The following ASAP1 variants were observed in gnomAD, a reference collection of about 807,000 sequenced individuals.
ASAP1 encodes the protein ArfGAP with SH3 domain, ankyrin repeat and PH domain 1.
In ASAP1, 43 loss-of-function variants were observed where a neutral mutation model predicts 145.2. That is an observed-to-expected ratio of 0.30 (90% confidence interval 0.23 to 0.38). ASAP1 has a LOEUF of 0.38. Among genes scored for constraint, ASAP1 ranks in the 10% least tolerant of loss-of-function variants. ASAP1 has a pLI of 1.00. For missense variants in ASAP1, 1,018 were observed against 1,355.3 expected, an observed-to-expected ratio of 0.75 and a Z score of 3.91; for synonymous variants, 546 against 515.5, an observed-to-expected ratio of 1.06 and a Z score of -0.80.
At chr8:130,365,042 C>A (rs903705013) in intron 2 of ASAP1, among the ~76,000 whole-genome samples, 1 of 152,214 alleles carries the variant, frequency 6.6e-6, no homozygotes, top group Non-Finnish European at 1.5e-5. Flanking sequence ...GACTATCAAT[C>A]CCTGACAGCA....
intron 11 of ASAP1, among the ~76,000 whole-genome samples, chr8:130,161,394 A>G (rs1352991787): frequency 6.6e-6 from 1 of 152,200 alleles, no homozygotes; most frequent in African/African-American, 2.4e-5. Context: ...ATGTTCAGTG[A>G]TGCAAAATTA....
chr8:130,441,245 C>A (rs530974503), intron 1 of ASAP1, among the ~76,000 whole-genome samples: 1 of 152,300 alleles, frequency 6.6e-6, no homozygotes, highest in South Asian at 2.1e-4. Context: ...AAACTCGATT[C>A]CAGATAAATC....
chr8:130,392,828 A>T (rs1182322717), intron 2 of ASAP1, among the ~76,000 whole-genome samples: 2 of 152,074 alleles, frequency 1.3e-5, no homozygotes, highest in Non-Finnish European at 2.9e-5. Flanking sequence ...TCTTTTAAAC[A>T]AACAGTTGTC....
At chr8:130,317,829 C>T (rs896850765) in intron 3 of ASAP1, among the ~76,000 whole-genome samples, 1 of 152,174 alleles carries the variant, frequency 6.6e-6, no homozygotes, top group Non-Finnish European at 1.5e-5. Context: ...GCCCTTTCCT[C>T]AAACAACTAA....
At chr8:130,397,285 C>A (rs544683680) in intron 2 of ASAP1, among the ~76,000 whole-genome samples, 2 of 152,200 alleles carry the variant, frequency 1.3e-5, no homozygotes. Flanking sequence ...GGACTACAGG[C>A]GCCCACCACC....
chr8:130,210,915 A>G (rs1367283984), intron 5 of ASAP1, among the ~76,000 whole-genome samples: 2 of 152,208 alleles, frequency 1.3e-5, no homozygotes, highest in Non-Finnish European at 2.9e-5. Context: ...GTCAGGTATT[A>G]TGCTTAGTGA....
chr8:130,064,094 C>T (rs534009205), intron 27 of ASAP1, among the ~76,000 whole-genome samples: 16 of 152,128 alleles, frequency 1.1e-4, no homozygotes, highest in African/African-American at 3.6e-4. Flanking sequence ...GTGGGGGTTG[C>T]GAGAAGAACC....
intron 25 of ASAP1, among the ~76,000 whole-genome samples, chr8:130,088,915 A>G (rs1486490032): frequency 6.6e-6 from 1 of 152,222 alleles, no homozygotes; most frequent in East Asian, 1.9e-4. Context: ...TTGGCACTGA[A>G]CATTTCAAAG....
At chr8:130,333,430 T>C (rs995040282) in intron 3 of ASAP1, among the ~76,000 whole-genome samples, 2 of 152,102 alleles carry the variant, frequency 1.3e-5, no homozygotes, top group Admixed American at 1.3e-4. Flanking sequence ...GGTGAAACCC[T>C]GTCTCTACTA....
intron 25 of ASAP1, 54 bp downstream of exon 25, chr8:130,091,919 C>T (rs971439441): frequency 9.5e-6 from 14 of 1,468,098 alleles, no homozygotes; most frequent in Non-Finnish European, 1.2e-5. Context: ...CCCAGTGGAG[C>T]CCCACACGCT....
intron 3 of ASAP1, among the ~76,000 whole-genome samples, chr8:130,356,275 G>C (rs894497500): frequency 6.6e-6 from 1 of 152,150 alleles, no homozygotes; most frequent in Non-Finnish European, 1.5e-5. Context: ...AAATGTGCAG[G>C]AAGAGAACGT....
rs1451645663 is a variant in ASAP1 at position 130,111,997 on chromosome 8, G to C, written c.2401+97C>G. 1.4e-5 allele frequency: 17 copies of C among 1,174,440 alleles called. No individual in the cohort carries two copies. In the South Asian group the frequency reaches 1.9e-4, roughly 13 times the overall value. The allele number at this position is 1,174,440 out of a possible 1,614,324, so 72.8% of individuals were successfully genotyped here. On this transcript the variant is annotated intron_variant, in intron 24 of 29. Coordinates refer to ENST00000518721, the MANE Select transcript of ASAP1 (RefSeq NM_018482.4). ...GATCCGCGCCACTCAAATGTACCTT[G>C]CAATTCTTACCTCAAAGCTGGCTAG...
chr8:130,357,068 G>A (rs751051643), intron 3 of ASAP1, among the ~76,000 whole-genome samples: 1 of 152,168 alleles, frequency 6.6e-6, no homozygotes, highest in Non-Finnish European at 1.5e-5. Flanking sequence ...GAGTTCCTGG[G>A]CAAATATCCT....
At chr8:130,084,573 G>C (rs961985524) in intron 25 of ASAP1, 2 of 152,162 alleles carry the variant, frequency 1.3e-5, no homozygotes, top group African/African-American at 4.8e-5. Flanking sequence ...GCTCAGCAGC[G>C]AATGGCCAGG....
intron 2 of ASAP1, among the ~76,000 whole-genome samples, chr8:130,400,745 AGC>A (rs1828756137): frequency 6.7e-6 from 1 of 149,492 alleles, no homozygotes; most frequent in Non-Finnish European, 1.5e-5. Context: ...GAGCCGAGAT[AGC>A]GCCACTGCGC....
intron 27 of ASAP1, 38 bp downstream of exon 27, chr8:130,076,310 C>A: frequency 1.3e-6 from 2 of 1,543,250 alleles, no homozygotes; most frequent in Non-Finnish European, 1.8e-6. Context: ...GGTAGTGACA[C>A]TTTAATTACA....
chr8:130,088,805 T>C (rs1353514397), intron 25 of ASAP1, among the ~76,000 whole-genome samples: 1 of 152,204 alleles, frequency 6.6e-6, no homozygotes, highest in Non-Finnish European at 1.5e-5. Flanking sequence ...GTGCTGCCTA[T>C]GGTTTTGGTT....
At chr8:130,313,325 T>C (rs1823470964) in intron 3 of ASAP1, among the ~76,000 whole-genome samples, 1 of 152,198 alleles carries the variant, frequency 6.6e-6, no homozygotes, top group South Asian at 2.1e-4. Flanking sequence ...AAAAAACTTT[T>C]AAAAGGTCCA....
At chr8:130,352,421 T>C (rs1376332200) in intron 3 of ASAP1, among the ~76,000 whole-genome samples, 9 of 152,136 alleles carry the variant, frequency 5.9e-5, no homozygotes, top group Admixed American at 5.9e-4. Flanking sequence ...ATGCGTAAGA[T>C]TTCACAGAAA....
Sources: allele counts gnomAD v4.1 joint callset (sites outside exome capture counted in the v4.1 genomes callset), GRCh38; gene constraint gnomAD v4.1.1; transcripts MANE v1.5; gene names NCBI Gene and HGNC (gene_info 2026-07-23, HGNC 2026-07-21).